The following SDK1 variants were observed in gnomAD, a reference collection of about 807,000 sequenced individuals.
SDK1 encodes sidekick cell adhesion molecule 1.
SDK1 carries 157 observed loss-of-function variants against 245.5 expected under a neutral mutation model. The ratio of observed to expected loss-of-function variants is 0.64; its 90% CI spans 0.56 to 0.73. SDK1 has a LOEUF of 0.73. SDK1 is among the 30% of genes least tolerant of loss of function. SDK1 has a pLI of 0.00. For synonymous variants in SDK1, 1,647 were observed against 1,278.5 expected (o/e 1.29, Z -6.15); for missense variants, 3,583 against 3,002.3 (o/e 1.19, Z -4.52).
At chr7:3,678,989 G>C (rs939354512) in intron 4 of SDK1, among the ~76,000 whole-genome samples, 1 of 152,080 alleles carries the variant, frequency 6.6e-6, no homozygotes, top group African/African-American at 2.4e-5. Context: ...AAAATGTAAG[G>C]TTATAAAACT....
intron 35 of SDK1, among the ~76,000 whole-genome samples, chr7:4,180,766 A>G (rs1782559786): frequency 6.6e-6 from 1 of 152,170 alleles, no homozygotes; most frequent in African/African-American, 2.4e-5. Flanking sequence ...CACGGCACAA[A>G]CAGGAGCAAG....
chr7:3,547,610 T>C (rs1347157550), intron 1 of SDK1, among the ~76,000 whole-genome samples: 2 of 152,242 alleles, frequency 1.3e-5, no homozygotes, highest in Non-Finnish European at 2.9e-5. Flanking sequence ...TGAAAAAGAT[T>C]GGAAATCCCT....
At chr7:3,423,228 G>A (rs1779581175) in intron 1 of SDK1, among the ~76,000 whole-genome samples, 2 of 152,118 alleles carry the variant, frequency 1.3e-5, no homozygotes, top group Non-Finnish European at 2.9e-5. Context: ...TTTTATTGTG[G>A]CCAATATAGT....
intron 40 of SDK1, among the ~76,000 whole-genome samples, chr7:4,230,618 G>A (rs539398649): frequency 1.6e-4 from 24 of 151,828 alleles, no homozygotes; most frequent in Admixed American, 4.6e-4. Context: ...TAGGAAGATG[G>A]ATCATGGAAA....
intron 1 of SDK1, among the ~76,000 whole-genome samples, chr7:3,506,363 C>T (rs545608118): frequency 1.3e-5 from 2 of 152,272 alleles, no homozygotes; most frequent in East Asian, 1.9e-4. Context: ...TACCTATTCC[C>T]TGTGTAAGTT....
At chr7:3,498,688 A>G (rs891813300) in intron 1 of SDK1, among the ~76,000 whole-genome samples, 2 of 148,590 alleles carry the variant, frequency 1.3e-5, no homozygotes, top group African/African-American at 4.9e-5. Flanking sequence ...CTCTCTGCAT[A>G]TTTGTTACCG....
At chr7:3,723,790 TTATACA>T (rs1191921380) in intron 4 of SDK1, among the ~76,000 whole-genome samples, 1,625 of 115,484 alleles carry the variant, frequency 0.014, 4 homozygotes, top group Middle Eastern at 0.025. Flanking sequence ...ATACACGTAC[TTATACA>T]TATACACGTG....
In SDK1 at chr7:3,709,424, C is replaced by T. The variant is rs115073092; in HGVS notation, c.713+67319C>T. Among the ~76,000 whole-genome samples the T allele has an allele frequency of 1.8e-3, 269 of 152,322 alleles. 1 individual carries two copies. The highest frequency in any genetic ancestry group is 6.2e-3 in the African/African-American group (256 of 41,578). On this transcript the variant is annotated intron_variant, in intron 4 of 44. Coordinates refer to ENST00000404826, the MANE Select transcript of SDK1 (RefSeq NM_152744.4). ...TCCCCACCCCTCCCTGTATCAGGTT[C>T]AGCACTAGGTAGGGTTAAGGCTTTC...
At chr7:3,981,779 T>C (rs563714218) in intron 13 of SDK1, among the ~76,000 whole-genome samples, 4 of 151,998 alleles carry the variant, frequency 2.6e-5, no homozygotes, top group African/African-American at 7.2e-5. Flanking sequence ...AGAAGAAAAA[T>C]TGGAAGCTAG....
intron 1 of SDK1, among the ~76,000 whole-genome samples, chr7:3,495,242 C>A (rs1411393570): frequency 6.8e-6 from 1 of 146,832 alleles, no homozygotes. Context: ...AGCTGGAAAG[C>A]ATAATGGTTC....
intron 22 of SDK1, among the ~76,000 whole-genome samples, chr7:4,102,302 G>T (rs1782607894): frequency 6.6e-6 from 1 of 152,190 alleles, no homozygotes; most frequent in African/African-American, 2.4e-5. Flanking sequence ...TCATTTGGCT[G>T]TGGTGGGCAC....
intron 1 of SDK1, among the ~76,000 whole-genome samples, chr7:3,521,038 G>A (rs571418085): frequency 6.6e-6 from 1 of 152,156 alleles, no homozygotes; most frequent in African/African-American, 2.4e-5. Context: ...AATCTCTGAG[G>A]ATGAGTCTTC....
chr7:3,348,704 AAATTG>A (rs1780575415), intron 1 of SDK1, among the ~76,000 whole-genome samples: 1 of 152,156 alleles, frequency 6.6e-6, no homozygotes, highest in Non-Finnish European at 1.5e-5. Context: ...ATAAAAGTTG[AAATTG>A]TTTTTCAAAA....
chr7:3,655,818 C>G (rs1783165299), intron 4 of SDK1, among the ~76,000 whole-genome samples: 1 of 151,878 alleles, frequency 6.6e-6, no homozygotes, highest in Non-Finnish European at 1.5e-5. Flanking sequence ...TCAGTCCCGG[C>G]CCTGCCACGT....
intron 17 of SDK1, among the ~76,000 whole-genome samples, chr7:4,027,698 G>A (rs560940832): frequency 2.6e-4 from 40 of 152,238 alleles, no homozygotes; most frequent in Admixed American, 5.9e-4. Context: ...TTTCTCAGGG[G>A]TGTTGCAAAT....
chr7:3,722,860 A>G (rs987372360), intron 4 of SDK1, among the ~76,000 whole-genome samples: 2 of 152,130 alleles, frequency 1.3e-5, no homozygotes, highest in African/African-American at 2.4e-5. Context: ...CCTCCTGGCC[A>G]TTCCCCCTCC....
chr7:3,569,006 GTTTTTT>G (rs5881992), intron 1 of SDK1, among the ~76,000 whole-genome samples: 1 of 143,580 alleles, frequency 7.0e-6, no homozygotes, highest in Non-Finnish European at 1.5e-5. Context: ...TGTGGCATAT[GTTTTTT>G]TTTTTTTTCT....
chr7:3,706,219 A>G (rs1784885120), intron 4 of SDK1, among the ~76,000 whole-genome samples: 1 of 152,016 alleles, frequency 6.6e-6, no homozygotes, highest in Non-Finnish European at 1.5e-5. Context: ...ATTGGTCTGT[A>G]GTTTTATTTT....
intron 22 of SDK1, among the ~76,000 whole-genome samples, chr7:4,100,261 C>T (rs557633121): frequency 2.6e-5 from 4 of 152,258 alleles, no homozygotes; most frequent in African/African-American, 7.2e-5. Context: ...AGCTCAGACA[C>T]GGCCCTGGGC....
Sources: gnomAD v4.1 joint callset for allele counts (sites outside exome capture counted in the v4.1 genomes callset) on GRCh38, gnomAD v4.1.1 for gene constraint, MANE v1.5 for transcripts, NCBI Gene and HGNC (gene_info 2026-07-23, HGNC 2026-07-21) for gene names.